UBL3: variants seen among roughly 807,000 people sequenced by gnomAD.
UBL3 encodes the protein ubiquitin-like protein 3.
A neutral mutation model predicts 18.4 loss-of-function variants in UBL3; 6 were observed. That is an observed-to-expected ratio of 0.33 (90% CI 0.18 to 0.64). The LOEUF is 0.64. Among genes scored for constraint, UBL3 ranks in the 30% least tolerant of loss-of-function variants. The pLI is 0.76. For missense variants in UBL3, 109 were observed against 142.9 expected, an observed-to-expected ratio of 0.76 and a Z score of 1.21; for synonymous variants, 49 against 46.6, an observed-to-expected ratio of 1.05 and a Z score of -0.21.
intron 1 of UBL3, among the ~76,000 whole-genome samples, chr13:29,826,674 C>G (rs936924516): frequency 2.0e-5 from 3 of 152,070 alleles, no homozygotes; most frequent in Non-Finnish European, 4.4e-5. Context: ...TTTTTTGTGT[C>G]TCTATCTCCT....
intron 1 of UBL3, among the ~76,000 whole-genome samples, chr13:29,801,662 C>T (rs373939543): frequency 2.1e-4 from 32 of 152,270 alleles, no homozygotes; most frequent in East Asian, 1.5e-3. Context: ...GCCCTCGGAC[C>T]GGGGAAGGAG....
At chr13:29,792,731 AAT>A (rs1262023974) in intron 1 of UBL3, among the ~76,000 whole-genome samples, 2 of 152,212 alleles carry the variant, frequency 1.3e-5, no homozygotes, top group African/African-American at 4.8e-5. Context: ...GTGTTTTATT[AAT>A]AGTTATTAAT....
At chr13:29,812,485 C>T (rs1011876882) in intron 1 of UBL3, among the ~76,000 whole-genome samples, 1 of 151,866 alleles carries the variant, frequency 6.6e-6, no homozygotes, top group Non-Finnish European at 1.5e-5. Context: ...GAATCATTTC[C>T]AAGGTCATAT....
At chr13:29,808,995 C>A (rs1388159705) in intron 1 of UBL3, among the ~76,000 whole-genome samples, 1 of 152,090 alleles carries the variant, frequency 6.6e-6, no homozygotes, top group Non-Finnish European at 1.5e-5. Flanking sequence ...ATAAATCTTT[C>A]TTTTCCTCAA....
intron 1 of UBL3, among the ~76,000 whole-genome samples, chr13:29,784,590 C>T (rs935021646): frequency 6.6e-6 from 1 of 151,052 alleles, no homozygotes; most frequent in Non-Finnish European, 1.5e-5. Flanking sequence ...CAACTCCCGA[C>T]TTATATCAAG....
chr13:29,818,848 A>G (rs1878352769), intron 1 of UBL3, among the ~76,000 whole-genome samples: 1 of 152,174 alleles, frequency 6.6e-6, no homozygotes, highest in Admixed American at 6.5e-5. Flanking sequence ...TTTAACACTA[A>G]TCACATTCTG....
intron 1 of UBL3, 140 bp from the exon 2 acceptor site, chr13:29,777,403 C>CT: frequency 1.4e-6 from 1 of 740,006 alleles, no homozygotes; most frequent in Non-Finnish European, 2.3e-6. Flanking sequence ...TTCTATAAAA[C>CT]TTTTTTAAAA....
intron 1 of UBL3, among the ~76,000 whole-genome samples, chr13:29,843,688 C>T (rs1879161822): frequency 6.6e-6 from 1 of 152,198 alleles, no homozygotes; most frequent in South Asian, 2.1e-4. Flanking sequence ...AAATGTTTGG[C>T]TTTCCAATAA....
At chr13:29,786,588 GAAGT>G (rs769741192) in intron 1 of UBL3, among the ~76,000 whole-genome samples, 7 of 152,182 alleles carry the variant, frequency 4.6e-5, no homozygotes, top group Non-Finnish European at 8.8e-5. Flanking sequence ...TATTTGCGAA[GAAGT>G]AATTTAAGCC....
chr13:29,844,370 G>C (rs1388010674), intron 1 of UBL3, among the ~76,000 whole-genome samples: 2 of 152,094 alleles, frequency 1.3e-5, no homozygotes, highest in South Asian at 2.1e-4. Flanking sequence ...GGGGCATAAA[G>C]CTTCACAATC....
At chr13:29,835,117 T>C (rs867105200) in intron 1 of UBL3, among the ~76,000 whole-genome samples, 1 of 22,778 alleles carries the variant, frequency 4.4e-5, no homozygotes, top group Non-Finnish European at 6.4e-5. Context: ...AATATATATA[T>C]ATATATAAAT....
chr13:29,829,933 T>C (rs1478902415), intron 1 of UBL3, among the ~76,000 whole-genome samples: 6 of 152,242 alleles, frequency 3.9e-5, no homozygotes, highest in African/African-American at 1.2e-4. Context: ...TCATCTAATA[T>C]GTGACCACAC....
intron 1 of UBL3, among the ~76,000 whole-genome samples, chr13:29,780,759 T>C (rs1374332659): frequency 6.6e-6 from 1 of 152,218 alleles, no homozygotes; most frequent in African/African-American, 2.4e-5. Context: ...TTTTCTACTT[T>C]GTTTTCCTGT....
rs1878910990 is a variant in UBL3 at position 29,835,130 on chromosome 13, ATATATATATATATATATAT to A, written c.27+14363_27+14381del. Among the ~76,000 whole-genome samples the A allele has an allele frequency of 2.4e-3, 12 of 5,002 alleles. 2 individuals are homozygous for A. The highest frequency in any genetic ancestry group is 3.5e-4 in the Non-Finnish European group (1 of 2,862). The allele number at this position is 5,002 out of a possible 152,430, so 3.3% of individuals were successfully genotyped here. ...TAAATATATATATATATATAAATAT[ATATATATATATATATATAT>A]ATATATATATATATATATATATATA... On this transcript the variant is annotated intron_variant, in intron 1 of 4. Coordinates refer to ENST00000380680, the MANE Select transcript of UBL3 (RefSeq NM_007106.4).
intron 1 of UBL3, among the ~76,000 whole-genome samples, chr13:29,787,259 A>G (rs922375642): frequency 6.6e-6 from 1 of 152,182 alleles, no homozygotes; most frequent in Non-Finnish European, 1.5e-5. Flanking sequence ...CTCACAATTC[A>G]TAAAGCATTT....
intron 1 of UBL3, among the ~76,000 whole-genome samples, chr13:29,778,780 A>G (rs3783244): frequency 0.32 from 49,217 of 152,088 alleles, 9,801 homozygotes; most frequent in Non-Finnish European, 0.43. Flanking sequence ...GTTGAAAGTT[A>G]TAAAATATCT....
chr13:29,820,209 C>G (rs1878394841), intron 1 of UBL3, among the ~76,000 whole-genome samples: 1 of 129,702 alleles, frequency 7.7e-6, no homozygotes, highest in African/African-American at 3.0e-5. Flanking sequence ...GAGTCTTGCT[C>G]TGTCACCCAG....
At chr13:29,776,290 T>C (rs1164878293) in intron 2 of UBL3, among the ~76,000 whole-genome samples, 1 of 147,376 alleles carries the variant, frequency 6.8e-6, no homozygotes, top group African/African-American at 2.5e-5. Flanking sequence ...TGAGACAGGG[T>C]CTTGCTCTGT....
intron 2 of UBL3, among the ~76,000 whole-genome samples, chr13:29,775,999 T>G (rs932989487): frequency 6.6e-6 from 1 of 152,014 alleles, no homozygotes; most frequent in Non-Finnish European, 1.5e-5. Context: ...GTTACTGGCT[T>G]GAAAATGGAA....
Sources: allele counts gnomAD v4.1 joint callset (sites outside exome capture counted in the v4.1 genomes callset), GRCh38; gene constraint gnomAD v4.1.1; transcripts MANE v1.5; gene names NCBI Gene and HGNC (gene_info 2026-07-23, HGNC 2026-07-21).